Variants in UGGT2 observed in about 807,000 individuals in gnomAD.
UGGT2 encodes the protein UDP-glucose:glycoprotein glucosyltransferase 2.
Under a neutral mutation model 192.1 loss-of-function variants are expected in UGGT2, and 180 were observed. That is an observed-to-expected ratio of 0.94 (90% CI 0.83 to 1.06). UGGT2 has a LOEUF of 1.06. Ranked by LOEUF, UGGT2 falls within the 50% of genes least tolerant of loss-of-function variation. The pLI is 0.00. For missense variants in UGGT2, 1,849 were observed against 1,795.7 expected, an observed-to-expected ratio of 1.03 and a Z score of -0.54; for synonymous variants, 580 against 591.0, an observed-to-expected ratio of 0.98 and a Z score of 0.27.
intron 5 of UGGT2, among the ~76,000 whole-genome samples, chr13:96,007,033 T>G (rs544884232): frequency 6.6e-6 from 1 of 152,214 alleles, no homozygotes; most frequent in African/African-American, 2.4e-5. Context: ...AACACAGATG[T>G]AAAAATCCTC....
intron 1 of UGGT2, among the ~76,000 whole-genome samples, chr13:96,032,889 A>G (rs2139163686): frequency 6.6e-6 from 1 of 152,346 alleles, no homozygotes; most frequent in South Asian, 2.1e-4. Flanking sequence ...AAACACGACA[A>G]GCATAGGAAT....
At chr13:95,836,119 G>A (rs954354586) in intron 37 of UGGT2, among the ~76,000 whole-genome samples, 7 of 152,016 alleles carry the variant, frequency 4.6e-5, no homozygotes, top group South Asian at 2.1e-4. Flanking sequence ...CGCCATCTCC[G>A]CTCTCTGCAA....
At chr13:96,040,016 A>G (rs2053120638) in intron 1 of UGGT2, among the ~76,000 whole-genome samples, 1 of 152,156 alleles carries the variant, frequency 6.6e-6, no homozygotes, top group Non-Finnish European at 1.5e-5. Flanking sequence ...TAATGTCCAG[A>G]TTTCTGAAGT....
At chr13:95,911,128 G>T (rs1347597684) in intron 20 of UGGT2, among the ~76,000 whole-genome samples, 1 of 152,158 alleles carries the variant, frequency 6.6e-6, no homozygotes, top group East Asian at 1.9e-4. Context: ...GCCTATAAGA[G>T]AAAGCAGGAA....
intron 27 of UGGT2, 64 bp from the exon 28 acceptor site, chr13:95,877,920 T>C: frequency 2.7e-6 from 4 of 1,469,748 alleles, no homozygotes; most frequent in East Asian, 2.3e-5. Flanking sequence ...AATTTTGAAA[T>C]AAATAAATGT....
rs961692977 is a variant in UGGT2 at position 95,863,710 on chromosome 13, T to C, written c.3563A>G (p.Lys1188Arg). The C allele has an allele frequency of 5.0e-6, 8 of 1,611,634 alleles. No individual in the cohort carries two copies. Among genetic ancestry groups the C allele is most frequent in the Non-Finnish European group, 6.8e-6 (8 of 1,178,292 alleles). Residue 1188 changes from lysine to arginine, a missense_variant, in exon 31 of 39, where the codon AAA becomes AGA. Coordinates refer to ENST00000376747, the MANE Select transcript of UGGT2 (RefSeq NM_020121.4). ...TTCCTTAATTTTGTCTGTTTCTTTT[T>C]TCACCTAGATAGCATGGCAAAAAAG... ...FKSKILKVKV[K>R]KETDKIKEDI...
intron 10 of UGGT2, among the ~76,000 whole-genome samples, chr13:95,979,405 A>C (rs1253642865): frequency 3.9e-5 from 6 of 152,156 alleles, no homozygotes; most frequent in African/African-American, 1.4e-4. Context: ...GAATTATGCC[A>C]ATCCTGGCAC....
intron 24 of UGGT2, among the ~76,000 whole-genome samples, chr13:95,891,924 T>C (rs1347730709): frequency 1.3e-5 from 2 of 152,172 alleles, no homozygotes; most frequent in African/African-American, 2.4e-5. Context: ...TTTTATTTTC[T>C]AGGCAGTTGA....
At chr13:95,993,308 G>A (rs2051513609) in intron 7 of UGGT2, among the ~76,000 whole-genome samples, 1 of 151,954 alleles carries the variant, frequency 6.6e-6, no homozygotes, top group South Asian at 2.1e-4. Flanking sequence ...CTGGGTGATG[G>A]GATCATTCAT....
chr13:95,803,914 G>A (rs1273597861), intron 38 of UGGT2, among the ~76,000 whole-genome samples: 2 of 152,044 alleles, frequency 1.3e-5, no homozygotes, highest in Non-Finnish European at 2.9e-5. Context: ...TAAACAAAAA[G>A]GAACTGAAAA....
intron 5 of UGGT2, among the ~76,000 whole-genome samples, chr13:96,007,623 A>G (rs1310043067): frequency 1.3e-5 from 2 of 152,198 alleles, no homozygotes; most frequent in African/African-American, 2.4e-5. Flanking sequence ...TAAAATCAAT[A>G]TACAAAATTC....
chr13:95,924,393 CTTTTTTTTTTTTTTTT>C (rs59757283), intron 20 of UGGT2, among the ~76,000 whole-genome samples: 3 of 63,358 alleles, frequency 4.7e-5, no homozygotes, highest in East Asian at 5.5e-4. Context: ...TCCCAAACAG[CTTTTTTTTTTTTTTTT>C]TTTTTTTTTT....
chr13:95,990,186 C>A, intron 7 of UGGT2, 113 bp from the exon 8 acceptor site: 1 of 545,626 alleles, frequency 1.8e-6, no homozygotes, highest in Non-Finnish European at 3.1e-6. Flanking sequence ...ATGAATCATT[C>A]ATCATTAAGA....
At chr13:95,811,156 T>A (rs151290981) in intron 38 of UGGT2, among the ~76,000 whole-genome samples, 3 of 152,262 alleles carry the variant, frequency 2.0e-5, no homozygotes, top group Non-Finnish European at 4.4e-5. Flanking sequence ...CTGGTGGAAA[T>A]GTAAAATACA....
chr13:95,913,514 T>G (rs2048574251), intron 20 of UGGT2, among the ~76,000 whole-genome samples: 1 of 152,144 alleles, frequency 6.6e-6, no homozygotes. Flanking sequence ...ATCAGAGAAG[T>G]GCAAATCAAA....
intron 38 of UGGT2, among the ~76,000 whole-genome samples, chr13:95,803,338 G>A (rs949806131): frequency 1.3e-5 from 2 of 151,696 alleles, no homozygotes; most frequent in African/African-American, 2.4e-5. Flanking sequence ...TCAGCTCACC[G>A]CAACCTCCGC....
intron 1 of UGGT2, among the ~76,000 whole-genome samples, chr13:96,049,026 C>CA (rs1003982613): frequency 6.6e-5 from 10 of 152,080 alleles, no homozygotes; most frequent in South Asian, 2.1e-4. Flanking sequence ...AGAGACACAA[C>CA]AAAAAAAGAG....
chr13:95,875,486 C>G (rs978456371), intron 29 of UGGT2, among the ~76,000 whole-genome samples: 5 of 152,108 alleles, frequency 3.3e-5, no homozygotes, highest in African/African-American at 1.2e-4. Flanking sequence ...TTTCTCAGAT[C>G]CTGCTGGGAT....
chr13:96,049,669 T>C (rs1289904622), intron 1 of UGGT2, among the ~76,000 whole-genome samples: 3 of 152,148 alleles, frequency 2.0e-5, no homozygotes, highest in Admixed American at 6.5e-5. Context: ...ATCACAAGCA[T>C]TGCTCTATGC....
Sources: gnomAD v4.1 joint callset for allele counts (sites outside exome capture counted in the v4.1 genomes callset) on GRCh38, gnomAD v4.1.1 for gene constraint, MANE v1.5 for transcripts, NCBI Gene and HGNC (gene_info 2026-07-23, HGNC 2026-07-21) for gene names.